Variants in NBEA observed in about 807,000 individuals in gnomAD.
NBEA encodes neurobeachin, also known as lysosomal-trafficking regulator 2.
NBEA carries 44 observed loss-of-function variants against 343.4 expected under a neutral mutation model. The observed-to-expected ratio is 0.13, with a 90% CI of 0.10 to 0.16. NBEA has a LOEUF of 0.16. NBEA is among the 10% of genes least tolerant of loss of function. The pLI is 1.00. For synonymous variants in NBEA, 1,175 were observed against 1,238.7 expected, an observed-to-expected ratio of 0.95 and a Z score of 1.08; for missense variants, 2,555 against 3,631.3, an observed-to-expected ratio of 0.70 and a Z score of 7.62.
intron 38 of NBEA, among the ~76,000 whole-genome samples, chr13:35,400,159 T>A (rs999623768): frequency 7.2e-6 from 1 of 139,784 alleles, no homozygotes; most frequent in Non-Finnish European, 1.5e-5. Flanking sequence ...CACGGATAGA[T>A]TTGCTAGATG....
intron 41 of NBEA, among the ~76,000 whole-genome samples, chr13:35,486,819 T>C (rs1212901553): frequency 1.3e-5 from 2 of 152,064 alleles, no homozygotes. Context: ...ATAAGGATAA[T>C]GTATTGATCT....
At chr13:35,478,850 T>C (rs1242785000) in intron 41 of NBEA, among the ~76,000 whole-genome samples, 2 of 152,160 alleles carry the variant, frequency 1.3e-5, no homozygotes, top group African/African-American at 4.8e-5. Context: ...GTCAAGGACG[T>C]GAGACAGCCG....
intron 48 of NBEA, among the ~76,000 whole-genome samples, chr13:35,622,291 T>C (rs545206450): frequency 6.6e-6 from 1 of 152,246 alleles, no homozygotes; most frequent in African/African-American, 2.4e-5. Context: ...AAAGGTGGGA[T>C]GGAGGTTTGA....
rs898743084 is a variant in NBEA at position 35,584,119 on chromosome 13, T to C, written c.7176+81T>C. 4 of 1,268,282 alleles carry C rather than the reference T, an allele frequency of 3.2e-6. No individual in the cohort carries two copies. In the African/African-American group the frequency reaches 6.0e-5, roughly 19 times the overall value. 78.6% of individuals were successfully genotyped at this position (1,268,282 alleles called of 1,614,324 possible). On this transcript the variant is annotated intron_variant, in intron 46 of 58. Transcript: ENST00000379939. ...TAAATTAAATAAAAATCAAATCAGT[T>C]GTAATTTGATTAACAAAGATTAGAG...
Position 35,159,884 on chromosome 13 carries a change from C to A in NBEA, c.3713C>A (p.Thr1238Asn). The A allele has an allele frequency of 6.2e-7, 1 of 1,601,678 alleles. No homozygotes were observed. The highest frequency in any genetic ancestry group is 2.3e-5 in the East Asian group (1 of 44,414). ...STKGLEYAEMTATTLETESSS... is the reference protein window; with the variant it reads ...STKGLEYAEMNATTLETESSS... ...AAGGGGCTGGAGTATGCTGAAATGA[C>A]TGCTACAACTCTGGAAACTGAGTCT... is the stretch of plus-strand genomic sequence containing the variant. The change falls in exon 22 of 59, where the codon ACT becomes AAT. Residue 1238 changes from threonine to asparagine, a missense_variant. Thr to Asn is a moderately conservative substitution (Grantham distance 65). Transcript: ENST00000379939.
chr13:34,997,706 C>G (rs1429900437), intron 1 of NBEA, among the ~76,000 whole-genome samples: 1 of 152,160 alleles, frequency 6.6e-6, no homozygotes, highest in African/African-American at 2.4e-5. Flanking sequence ...TTTTAAGATT[C>G]TCACTTTTGA....
chr13:35,428,675 A>T (rs922718218), intron 38 of NBEA, among the ~76,000 whole-genome samples: 1 of 152,078 alleles, frequency 6.6e-6, no homozygotes, highest in Non-Finnish European at 1.5e-5. Flanking sequence ...TATATTTTCA[A>T]TCATGGCTCT....
At chr13:35,440,791 C>T (rs923451550) in intron 39 of NBEA, among the ~76,000 whole-genome samples, 3 of 152,074 alleles carry the variant, frequency 2.0e-5, no homozygotes, top group Non-Finnish European at 2.9e-5. Flanking sequence ...AAACTCAACC[C>T]AAATACCAGT....
chr13:35,327,263 A>G (rs1009826366), intron 36 of NBEA, among the ~76,000 whole-genome samples: 17 of 152,130 alleles, frequency 1.1e-4, no homozygotes, highest in African/African-American at 3.9e-4. Flanking sequence ...TGACCCAGCA[A>G]TCCCATTACT....
chr13:35,104,661 G>A (rs1387860016), intron 11 of NBEA, among the ~76,000 whole-genome samples: 1 of 151,872 alleles, frequency 6.6e-6, no homozygotes, highest in African/African-American at 2.4e-5. Flanking sequence ...CAGGTTACTG[G>A]TTAACTGCCA....
chr13:35,411,530 C>T (rs2043585776), intron 38 of NBEA, among the ~76,000 whole-genome samples: 1 of 151,864 alleles, frequency 6.6e-6, no homozygotes, highest in South Asian at 2.1e-4. Context: ...AAACACACCT[C>T]ATTGTAAACC....
At chr13:34,997,207 G>A (rs2060970633) in intron 1 of NBEA, among the ~76,000 whole-genome samples, 1 of 152,154 alleles carries the variant, frequency 6.6e-6, no homozygotes, top group Admixed American at 6.6e-5. Flanking sequence ...AATAAAAGAT[G>A]ATGTTTCACC....
intron 36 of NBEA, among the ~76,000 whole-genome samples, chr13:35,320,333 T>C (rs1453220616): frequency 6.6e-6 from 1 of 152,224 alleles, no homozygotes; most frequent in African/African-American, 2.4e-5. Context: ...TGTAAAGGAT[T>C]TTATTTCTCC....
At chr13:35,540,145 C>T (rs1288864892) in intron 41 of NBEA, among the ~76,000 whole-genome samples, 3 of 151,584 alleles carry the variant, frequency 2.0e-5, no homozygotes, top group African/African-American at 7.3e-5. Context: ...TAATTTGTCT[C>T]GACAATTTAT....
intron 36 of NBEA, among the ~76,000 whole-genome samples, chr13:35,345,709 T>C (rs1418163474): frequency 6.6e-6 from 1 of 151,912 alleles, no homozygotes; most frequent in Non-Finnish European, 1.5e-5. Flanking sequence ...GGTTAAAACA[T>C]GGAATTGTGG....
chr13:35,469,026 G>C (rs1449031263), intron 40 of NBEA, among the ~76,000 whole-genome samples: 5 of 150,830 alleles, frequency 3.3e-5, no homozygotes, highest in South Asian at 4.2e-4. Flanking sequence ...TTGAGCTCGG[G>C]GGGCAGAAGT....
At chr13:35,240,320 G>A (rs1043054350) in intron 34 of NBEA, among the ~76,000 whole-genome samples, 1 of 151,860 alleles carries the variant, frequency 6.6e-6, no homozygotes, top group South Asian at 2.1e-4. Context: ...CTGATAAATA[G>A]TGGTGGGATA....
intron 48 of NBEA, among the ~76,000 whole-genome samples, chr13:35,614,204 C>G (rs979772988): frequency 2.6e-5 from 4 of 152,066 alleles, no homozygotes; most frequent in Middle Eastern, 3.4e-3. Flanking sequence ...TTATTTGTTT[C>G]CTTGTTGAGT....
intron 47 of NBEA, among the ~76,000 whole-genome samples, chr13:35,605,616 A>C (rs1322935506): frequency 6.6e-6 from 1 of 152,146 alleles, no homozygotes; most frequent in Non-Finnish European, 1.5e-5. Context: ...ATTTTCTCCC[A>C]ATTACTTTTT....
Sources: gnomAD v4.1 joint callset for allele counts (sites outside exome capture counted in the v4.1 genomes callset) on GRCh38, gnomAD v4.1.1 for gene constraint, MANE v1.5 for transcripts, NCBI Gene and HGNC (gene_info 2026-07-23, HGNC 2026-07-21) for gene names.